The following ARHGEF11 variants were observed in gnomAD, a reference collection of about 807,000 sequenced individuals.
ARHGEF11 encodes the protein Rho guanine exchange factor (GEF) 11.
Under a neutral mutation model 193.7 loss-of-function variants are expected in ARHGEF11, and 55 were observed. The ratio of observed to expected loss-of-function variants is 0.28; its 90% CI spans 0.23 to 0.36. The LOEUF (loss-of-function observed/expected upper bound fraction) is 0.36. Ranked by LOEUF, ARHGEF11 falls within the 10% of genes least tolerant of loss-of-function variation. The pLI is 1.00. For missense variants in ARHGEF11, 1,723 were observed against 2,005.6 expected, an observed-to-expected ratio of 0.86 and a Z score of 2.69; for synonymous variants, 693 against 768.0, an observed-to-expected ratio of 0.90 and a Z score of 1.62.
In ARHGEF11 at chr1:156,971,192, T is replaced by C. The variant is rs112427126; in HGVS notation, c.702+505A>G. Among the ~76,000 whole-genome samples, 116 of 152,334 alleles carry C rather than the reference T, an allele frequency of 7.6e-4. No homozygotes were observed. In the Middle Eastern group the frequency reaches 0.017, roughly 22 times the overall value. On this transcript the variant is annotated intron_variant, in intron 8 of 40. Transcript: ENST00000368194. ...AAAGAATCATCTACTCTCTGGAGTT[T>C]TCCATAAAGTGTGGTTATCTGCTGA...
intron 4 of ARHGEF11, 137 bp from the exon 5 acceptor site, chr1:156,979,423 T>C (rs1663790182): frequency 4.8e-6 from 3 of 625,734 alleles, no homozygotes; most frequent in African/African-American, 2.0e-5. Flanking sequence ...TGGAGTGCAG[T>C]GGCCCATCTC....
intron 7 of ARHGEF11, among the ~76,000 whole-genome samples, chr1:156,976,445 C>A (rs1259580645): frequency 6.6e-6 from 1 of 152,174 alleles, no homozygotes; most frequent in African/African-American, 2.4e-5. Flanking sequence ...AGGGGAGGAA[C>A]CATCTAATCT....
chr1:156,965,892 T>C (rs1031529757), intron 11 of ARHGEF11, among the ~76,000 whole-genome samples: 1 of 152,186 alleles, frequency 6.6e-6, no homozygotes, highest in Admixed American at 6.5e-5. Context: ...CCTGGATAAG[T>C]CCTCCCCTAA....
At position 156,980,467 on chromosome 1, in the gene ARHGEF11, G is replaced by A. The variant is rs770930971; in HGVS notation, c.243C>T (p.Ala81=). 3.9e-5 allele frequency: 63 copies of A among 1,600,930 alleles called. No individual in the cohort carries two copies. The highest frequency in any genetic ancestry group is 4.9e-5 in the Non-Finnish European group (58 of 1,173,216). ...TGATCCGGTCGCCCTCTTTCACACC[G>A]GCCTTCATGGCTGCACCTCCTGTAA... ...SVRPGGAAMK[A]GVKEGDRIIK... The change falls in exon 4 of 41, where the codon GCC becomes GCT. Residue 81 remains alanine (A), a synonymous_variant. Coordinates refer to ENST00000368194, the MANE Select transcript of ARHGEF11 (RefSeq NM_198236.3).
At chr1:157,011,691 AAAG>A (rs1308135509) in intron 1 of ARHGEF11, among the ~76,000 whole-genome samples, 2 of 152,236 alleles carry the variant, frequency 1.3e-5, no homozygotes, top group Non-Finnish European at 2.9e-5. Flanking sequence ...ATACTTCTCC[AAAG>A]AAGACATACA....
intron 3 of ARHGEF11, among the ~76,000 whole-genome samples, chr1:156,981,549 T>C (rs1024156880): frequency 2.6e-5 from 4 of 152,220 alleles, no homozygotes; most frequent in African/African-American, 7.2e-5. Context: ...CGATTTTGGC[T>C]CACCGCAGCC....
intron 1 of ARHGEF11, among the ~76,000 whole-genome samples, chr1:157,014,851 T>A (rs1425273954): frequency 6.6e-6 from 1 of 152,214 alleles, no homozygotes; most frequent in African/African-American, 2.4e-5. Flanking sequence ...TACTTTATCC[T>A]ACCCTTCCTT....
Position 156,970,012 on chromosome 1 carries a change from T to C in ARHGEF11, c.734A>G (p.Gln245Arg). ...DILPLYGDTSQRPSEGRLSLD... is the reference protein window; with the variant it reads ...DILPLYGDTSRRPSEGRLSLD... ...GGGGGACTTACCTTCTGATGGTCTC[T>C]GGCTGGTGTCACCATATAGTGGAAG... Residue 245 changes from glutamine to arginine, a missense_variant, in exon 9 of 41, where the codon CAG (glutamine) becomes CGG (arginine). Gln to Arg is a conservative substitution (Grantham distance 43). Transcript: ENST00000368194. 3 of 1,614,074 alleles carry C rather than the reference T, an allele frequency of 1.9e-6. No individual in the cohort carries two copies. Among genetic ancestry groups the C allele is most frequent in the Middle Eastern group, 1.7e-4 (1 of 6,056 alleles).
At chr1:157,024,596 T>C (rs185451381) in intron 1 of ARHGEF11, among the ~76,000 whole-genome samples, 2 of 152,322 alleles carry the variant, frequency 1.3e-5, no homozygotes, top group East Asian at 1.9e-4. Context: ...TCTGCAGGTA[T>C]AGGTGGTGCC....
Position 156,963,299 on chromosome 1 carries a change from G to T in ARHGEF11, c.1044C>A (p.Asp348Glu). ...YDPGYFNNES[D>E]IIFQDLEKLK... ...GTTTCTCCAGATCCTGGAATATGAT[G>T]TCGCTCTGGAAGGCAGAAGGATGAG... Residue 348 changes from aspartate (D) to glutamate (E), a missense_variant, in exon 13 of 41, where the codon GAC becomes GAA. This residue lies in a region of ARHGEF11 where 646 missense variants were observed against 710.7 expected (regional missense o/e 0.91). Coordinates refer to ENST00000368194, the MANE Select transcript of ARHGEF11 (RefSeq NM_198236.3). 2 of 1,613,948 alleles carry T rather than the reference G, an allele frequency of 1.2e-6. No homozygotes were observed. Among genetic ancestry groups the T allele is most frequent in the Non-Finnish European group, 1.7e-6 (2 of 1,179,892 alleles).
At chr1:157,027,692 C>T (rs1670818703) in intron 1 of ARHGEF11, among the ~76,000 whole-genome samples, 1 of 152,186 alleles carries the variant, frequency 6.6e-6, no homozygotes, top group Non-Finnish European at 1.5e-5. Context: ...TGCTCTTTCA[C>T]AGCCTTGCCA....
intron 7 of ARHGEF11, among the ~76,000 whole-genome samples, chr1:156,975,471 A>C (rs906731670): frequency 2.0e-5 from 3 of 152,220 alleles, no homozygotes; most frequent in African/African-American, 7.2e-5. Flanking sequence ...AGATACTTGA[A>C]TTGTAAATAT....
rs970896989 is a variant in ARHGEF11 at position 156,938,477 on chromosome 1, G to A, written c.4133C>T (p.Pro1378Leu). Reference sequence around the variant, plus strand: ...CCCAGGCTCTGACTGGCCACTCTCTGGTAGTGCAGGGACAACCTTGCTGCC... The same window carrying A: ...CCCAGGCTCTGACTGGCCACTCTCTAGTAGTGCAGGGACAACCTTGCTGCC... ...VAGSKVVPALPESGQSEPGPP... is the reference protein window; with the variant it reads ...VAGSKVVPALLESGQSEPGPP... The change falls in exon 38 of 41, where the codon CCA becomes CTA. Residue 1378 changes from proline to leucine, a missense_variant. Physicochemically the swap from Pro to Leu is moderately conservative, Grantham distance 98. This residue lies in a region of ARHGEF11 where 360 missense variants were observed against 344.4 expected (regional missense o/e 1.05). Coordinates refer to ENST00000368194, the MANE Select transcript of ARHGEF11 (RefSeq NM_198236.3). The A allele has an allele frequency of 2.5e-6, 4 of 1,613,776 alleles. No homozygotes were observed. The Admixed American group carries it at 6.7e-5, about 27-fold the overall frequency.
At chr1:157,026,836 T>C (rs916829923) in intron 1 of ARHGEF11, among the ~76,000 whole-genome samples, 1 of 152,252 alleles carries the variant, frequency 6.6e-6, no homozygotes, top group Non-Finnish European at 1.5e-5. Flanking sequence ...CCTGACCCAC[T>C]GTCTATCAGT....
chr1:156,984,319 A>G lies in ARHGEF11; in HGVS notation c.223+20T>C, dbSNP rs189530361. The G allele has an allele frequency of 6.4e-6, 10 of 1,563,376 alleles. No homozygotes were observed. The East Asian group carries it at 2.3e-4, about 36-fold the overall frequency. ...TTTGCAAGAACTGTCCACCGTGGGC[A>G]GGAGGGATGCAGCACTCACCAGGCC... On this transcript the variant is annotated intron_variant, in intron 3 of 40. Coordinates refer to ENST00000368194, the MANE Select transcript of ARHGEF11 (RefSeq NM_198236.3).
chr1:156,969,383 C>T (rs1336149), intron 9 of ARHGEF11, 25 bp from the exon 10 acceptor site: 827,038 of 1,581,074 alleles, frequency 0.52, 224,454 homozygotes, highest in East Asian at 0.85. Context: ...GTTTCTATAA[C>T]ACAGAAGGAG....
upstream of ARHGEF11, among the ~76,000 whole-genome samples, chr1:157,046,453 A>G (rs1420504648): frequency 7.1e-6 from 1 of 141,840 alleles, no homozygotes; most frequent in Admixed American, 6.9e-5. Context: ...CCCTCTCTCC[A>G]CCTCTCTTCT....
At chr1:157,001,059 A>T (rs908341724) in intron 1 of ARHGEF11, among the ~76,000 whole-genome samples, 1 of 152,184 alleles carries the variant, frequency 6.6e-6, no homozygotes, top group Non-Finnish European at 1.5e-5. Context: ...AGCCTTCCTC[A>T]ATGAACTCTC....
At chr1:156,983,109 T>C (rs1478994549) in intron 3 of ARHGEF11, among the ~76,000 whole-genome samples, 2 of 152,362 alleles carry the variant, frequency 1.3e-5, no homozygotes, top group African/African-American at 4.8e-5. Flanking sequence ...AAGCCTAGGA[T>C]GCTCCATGTC....
Sources: allele counts gnomAD v4.1 joint callset (sites outside exome capture counted in the v4.1 genomes callset), GRCh38; gene constraint gnomAD v4.1.1; regional missense constraint gnomAD v4.1.1; transcripts MANE v1.5; gene names NCBI Gene and HGNC (gene_info 2026-07-23, HGNC 2026-07-21).